Variants in ITGB7 observed in about 807,000 individuals in gnomAD.
ITGB7 encodes integrin beta-7.
A neutral mutation model predicts 83.4 loss-of-function variants in ITGB7; 55 were observed. That is an observed-to-expected ratio of 0.66 (90% CI 0.53 to 0.83). The LOEUF (loss-of-function observed/expected upper bound fraction) is 0.83. ITGB7 is among the 40% of genes least tolerant of loss of function. The pLI, the probability that ITGB7 is intolerant of heterozygous loss-of-function variation, is 0.00. For synonymous variants in ITGB7, 454 were observed against 423.6 expected (o/e 1.07, Z -0.88); for missense variants, 921 against 1,046.7 (o/e 0.88, Z 1.66).
At chr12:53,196,937 T>G in intron 5 of ITGB7, 117 bp from the exon 6 acceptor site, 80 of 1,168,050 alleles carry the variant, frequency 6.8e-5, no homozygotes, top group Non-Finnish European at 8.6e-5. Flanking sequence ...AGGGTGCACC[T>G]AGGGGGCAGG....
At position 53,193,606 on chromosome 12, in the gene ITGB7, G is replaced by A. The variant is rs907534120; in HGVS notation, c.1502+102C>T. On this transcript the variant is annotated intron_variant, in intron 11 of 15. Coordinates refer to ENST00000267082, the MANE Select transcript of ITGB7 (RefSeq NM_000889.3). Reference sequence around the variant, plus strand: ...AAACTGAGTGGGGAGTCGGGATGTCGAGGAGACTCCTGTGGGGGGGATGGA... The same window carrying A: ...AAACTGAGTGGGGAGTCGGGATGTCAAGGAGACTCCTGTGGGGGGGATGGA... 19 of 1,060,664 alleles carry A rather than the reference G, an allele frequency of 1.8e-5. No homozygotes were observed. The South Asian group carries it at 2.3e-4, about 13-fold the overall frequency. 65.7% of individuals were successfully genotyped at this position (1,060,664 alleles called of 1,614,324 possible).
At chr12:53,202,211 T>A (rs1367946958) in intron 1 of ITGB7, among the ~76,000 whole-genome samples, 3 of 151,652 alleles carry the variant, frequency 2.0e-5, no homozygotes, top group African/African-American at 7.3e-5. Flanking sequence ...ATACAAAAAC[T>A]AGCTGGGTGT....
chr12:53,196,280 G>C, intron 6 of ITGB7, 81 bp from the exon 7 acceptor site: 1 of 1,515,742 alleles, frequency 6.6e-7, no homozygotes, highest in South Asian at 1.2e-5. Context: ...AGCCAAGAAT[G>C]TGGCCAGCCT....
intron 14 of ITGB7, 89 bp from the exon 15 acceptor site, chr12:53,192,108 C>T: frequency 1.4e-6 from 2 of 1,468,214 alleles, no homozygotes; most frequent in East Asian, 2.4e-5. Context: ...CTGTCCAACC[C>T]TGTCTGTCAC....
At chr12:53,204,402 T>C (rs937202690) in intron 1 of ITGB7, among the ~76,000 whole-genome samples, 9 of 149,742 alleles carry the variant, frequency 6.0e-5, no homozygotes, top group African/African-American at 2.2e-4. Context: ...AAAAATGAAG[T>C]ACTGATACAT....
At position 53,197,941 on chromosome 12, in the gene ITGB7, G is replaced by A. The variant is rs1490133489; in HGVS notation, c.212C>T (p.Ala71Val). ...GCGCCGCGCCTCCGCCTCTCCCGAC[G>A]CGGTGAAGTTCTGCTCAGCAAGAAA... ...CAWCKQLNFTASGEAEARRCA... is the reference protein window; with the variant it reads ...CAWCKQLNFTVSGEAEARRCA... The change falls in exon 4 of 16, where the codon GCG (alanine) becomes GTG (valine). Residue 71 changes from alanine to valine, a missense_variant. Physicochemically the swap from Ala to Val is moderately conservative, Grantham distance 64 (BLOSUM62 0). Coordinates refer to ENST00000267082, the MANE Select transcript of ITGB7 (RefSeq NM_000889.3). The A allele has an allele frequency of 6.5e-7, 1 of 1,540,972 alleles. No individual in the cohort carries two copies. The highest frequency in any genetic ancestry group is 8.7e-7 in the Non-Finnish European group (1 of 1,151,056).
chr12:53,205,032 C>T (rs1020910894), intron 1 of ITGB7, among the ~76,000 whole-genome samples: 1 of 151,880 alleles, frequency 6.6e-6, no homozygotes, highest in African/African-American at 2.4e-5. Flanking sequence ...ACTATGTTGG[C>T]CAGGCTGGTC....
chr12:53,203,647 C>CAAAAAAAAAAAAAAAAAAAAAA (rs1158624130), intron 1 of ITGB7, among the ~76,000 whole-genome samples: 8 of 51,046 alleles, frequency 1.6e-4, no homozygotes, highest in Admixed American at 2.5e-4. Flanking sequence ...GACCCTGTCT[C>CAAAAAAAAAAAAAAAAAAAAAA]AAAAAAAAAA....
intron 14 of ITGB7, 100 bp from the exon 15 acceptor site, chr12:53,192,119 TGAAA>T: frequency 6.9e-7 from 1 of 1,445,840 alleles, no homozygotes; most frequent in Non-Finnish European, 9.3e-7. Flanking sequence ...TGTCTGTCAC[TGAAA>T]GCAAAGGGAA....
chr12:53,195,174 C>T (rs995755798), intron 9 of ITGB7, 200 bp downstream of exon 9: 10 of 592,952 alleles, frequency 1.7e-5, no homozygotes, highest in Non-Finnish European at 2.1e-5. Context: ...TCCATGCTGT[C>T]TGCATGTCAG....
Position 53,195,735 on chromosome 12 carries a change from C to G in ITGB7, c.976-14G>C. 1 of 1,601,400 alleles carries G rather than the reference C, an allele frequency of 6.2e-7. No individual in the cohort carries two copies. Among genetic ancestry groups the G allele is most frequent in the Non-Finnish European group, 8.6e-7 (1 of 1,168,596 alleles). Reference sequence around the variant, plus strand: ...AGAAGGGTAGTCCTGGGACAGGGAGCAGGGACAAGGTGAGCCCCACAGGTT... The same window carrying G: ...AGAAGGGTAGTCCTGGGACAGGGAGGAGGGACAAGGTGAGCCCCACAGGTT... On this transcript the variant is annotated splice_polypyrimidine_tract_variant and intron_variant, in intron 7 of 15. Transcript: ENST00000267082.
At chr12:53,199,082 T>TGTGTGCCTTTCTCCTGGGTCCTC (rs1942259889) in intron 3 of ITGB7, among the ~76,000 whole-genome samples, 1 of 152,208 alleles carries the variant, frequency 6.6e-6, no homozygotes, top group African/African-American at 2.4e-5. Context: ...CCTGGGTCCC[T>TGTGTGCCTTTCTCCTGGGTCCTC]GTGTGCCTTT....
In ITGB7 at chr12:53,193,219, G is replaced by C; in HGVS notation, c.1647C>G (p.Ser549Arg). ...GATGCCCAGAGCTCTGTCCACTGCA[G>C]CTGCAGCGTCCACATTGACAGTGAC... ...GKGHCQCGRC[S>R]CSGQSSGHLC... Residue 549 changes from serine (S) to arginine (R), a missense_variant, in exon 12 of 16, where the codon AGC becomes AGG. Physicochemically the swap from Ser to Arg is moderately radical, Grantham distance 110. Transcript: ENST00000267082. 1.9e-6 allele frequency: 3 copies of C among 1,614,158 alleles called. No homozygotes were observed. The highest frequency in any genetic ancestry group is 1.6e-4 in the Middle Eastern group (1 of 6,062).
At position 53,195,505 on chromosome 12, in the gene ITGB7, T is replaced by C. The variant is rs1942126016; in HGVS notation, c.1072-42A>G. ...TAAGGGAAATGGTGGGTCACAGCTCTAGGAAAATGGGCTCCCGGAGGTCTG... is the reference window on the plus strand; with the variant it reads ...TAAGGGAAATGGTGGGTCACAGCTCCAGGAAAATGGGCTCCCGGAGGTCTG... On this transcript the variant is annotated intron_variant, in intron 8 of 15. Coordinates refer to ENST00000267082, the MANE Select transcript of ITGB7 (RefSeq NM_000889.3). 6 of 1,562,284 alleles carry C rather than the reference T, an allele frequency of 3.8e-6. No individual in the cohort carries two copies. In the East Asian group the frequency reaches 1.3e-4, roughly 35 times the overall value.
intron 5 of ITGB7, 116 bp downstream of exon 5, chr12:53,197,377 C>A: frequency 8.5e-7 from 1 of 1,182,632 alleles, no homozygotes; most frequent in Non-Finnish European, 1.3e-6. Flanking sequence ...CTGGCTAGGC[C>A]TGTCAACAAC....
chr12:53,199,935 G>A (rs959492624), intron 3 of ITGB7, among the ~76,000 whole-genome samples: 1 of 152,144 alleles, frequency 6.6e-6, no homozygotes, highest in Non-Finnish European at 1.5e-5. Context: ...CTATACACAA[G>A]CATGAATTCC....
intron 10 of ITGB7, 129 bp downstream of exon 10, chr12:53,194,069 G>A (rs2120431953): frequency 7.1e-7 from 1 of 1,414,658 alleles, no homozygotes; most frequent in Non-Finnish European, 9.8e-7. Flanking sequence ...GCTCCAGGAA[G>A]GATGGATGGA....
chr12:53,195,543 AT>A (rs1942127755), intron 8 of ITGB7, 80 bp from the exon 9 acceptor site: 1 of 1,513,886 alleles, frequency 6.6e-7, no homozygotes, highest in East Asian at 2.3e-5. Flanking sequence ...AGGAGGGCAT[AT>A]GGGGGACGGA....
rs17124308 is a variant in ITGB7, at chr12:53,195,141, T to G, written c.1161+233A>C. 0.012 allele frequency: 6,546 copies of G among 550,244 alleles called. 332 individuals carry two copies. Among genetic ancestry groups the G allele is most frequent in the African/African-American group, 0.11 (5,852 of 53,238 alleles). 34.1% of individuals were successfully genotyped at this position (550,244 alleles called of 1,614,324 possible). A position where few individuals can be genotyped will look rare whatever the true frequency, so the allele number is the denominator to read the frequency against. On this transcript the variant is annotated intron_variant, in intron 9 of 15. Transcript: ENST00000267082. ...AATAAAAGCTCAGTGATTGAAACTTTCCTTTCTTGCCCAGAGCAGAGCTCC... is the reference window on the plus strand; with the variant it reads ...AATAAAAGCTCAGTGATTGAAACTTGCCTTTCTTGCCCAGAGCAGAGCTCC...
Sources: allele counts gnomAD v4.1 joint callset (sites outside exome capture counted in the v4.1 genomes callset), GRCh38; gene constraint gnomAD v4.1.1; transcripts MANE v1.5; gene names NCBI Gene and HGNC (gene_info 2026-07-23, HGNC 2026-07-21).